The following CGNL1 variants were observed in gnomAD, a reference collection of about 807,000 sequenced individuals.
The protein encoded by CGNL1 is cingulin-like protein 1.
A neutral mutation model predicts 141.2 loss-of-function variants in CGNL1; 132 were observed. That is an observed-to-expected ratio of 0.93 (90% confidence interval 0.81 to 1.08). CGNL1 has a LOEUF of 1.08. Among genes scored for constraint, CGNL1 ranks in the 50% least tolerant of loss-of-function variants. The pLI, the probability that CGNL1 is intolerant of heterozygous loss-of-function variation, is 0.00. For missense variants in CGNL1, 1,870 were observed against 1,588.6 expected, an observed-to-expected ratio of 1.18 and a Z score of -3.01; for synonymous variants, 690 against 622.1, an observed-to-expected ratio of 1.11 and a Z score of -1.63.
intron 6 of CGNL1, among the ~76,000 whole-genome samples, chr15:57,453,189 G>A (rs1162243967): frequency 2.0e-5 from 3 of 152,070 alleles, no homozygotes; most frequent in African/African-American, 4.8e-5. Flanking sequence ...CCATTGTGTC[G>A]TGAAATGAAA....
intron 1 of CGNL1, among the ~76,000 whole-genome samples, chr15:57,397,423 C>T (rs1394125370): frequency 6.6e-6 from 1 of 152,188 alleles, no homozygotes; most frequent in Non-Finnish European, 1.5e-5. Context: ...AACTAGGAAG[C>T]TCCTGATCCT....
chr15:57,545,727 CTTAGA>C lies in CGNL1; in HGVS notation c.3609+29_3609+33del, dbSNP rs1555451056. 2.5e-6 allele frequency: 4 copies of C among 1,572,004 alleles called. No individual in the cohort carries two copies. The African/African-American group carries it at 4.0e-5, about 16-fold the overall frequency. On this transcript the variant is annotated intron_variant, in intron 17 of 18. Coordinates refer to ENST00000281282, the MANE Select transcript of CGNL1 (RefSeq NM_032866.5). The stretch of plus-strand genomic sequence containing the variant: ...TGGGGAGCCTCTGCGTGCATTTGCT[CTTAGA>C]TGAGATTGCGTGTCTCAGGCTGAGG...
At chr15:57,512,673 A>G (rs144217460) in intron 8 of CGNL1, among the ~76,000 whole-genome samples, 1 of 152,332 alleles carries the variant, frequency 6.6e-6, no homozygotes, top group East Asian at 1.9e-4. Flanking sequence ...AGGTTCCCTT[A>G]TCTAACACGC....
chr15:57,499,355 C>G (rs1387570817), intron 8 of CGNL1, among the ~76,000 whole-genome samples: 1 of 147,714 alleles, frequency 6.8e-6, no homozygotes, highest in Non-Finnish European at 1.5e-5. Flanking sequence ...AAGTGATTCT[C>G]CTGCCTTGAG....
intron 8 of CGNL1, among the ~76,000 whole-genome samples, chr15:57,498,372 C>G (rs1440866685): frequency 6.6e-6 from 1 of 150,730 alleles, no homozygotes; most frequent in Non-Finnish European, 1.5e-5. Context: ...ACCTCAGCCT[C>G]TCAAGGAGCT....
At chr15:57,462,023 CAG>C in intron 8 of CGNL1, 131 bp downstream of exon 8, 1 of 721,694 alleles carries the variant, frequency 1.4e-6, no homozygotes, top group South Asian at 1.7e-5. Context: ...ATCATGGACA[CAG>C]AGCTTATTAA....
At chr15:57,457,396 C>T (rs1247915926) in intron 7 of CGNL1, among the ~76,000 whole-genome samples, 1 of 152,168 alleles carries the variant, frequency 6.6e-6, no homozygotes, top group Non-Finnish European at 1.5e-5. Flanking sequence ...CTCAGATCTC[C>T]TTCTACCTGT....
chr15:57,418,850 G>C (rs16977488), intron 1 of CGNL1, among the ~76,000 whole-genome samples: 4,490 of 152,246 alleles, frequency 0.029, 205 homozygotes, highest in East Asian at 0.13. Context: ...CGACATGCCA[G>C]AGCTGGCGGG....
At chr15:57,520,423 T>C (rs1238860588) in intron 10 of CGNL1, among the ~76,000 whole-genome samples, 1 of 152,210 alleles carries the variant, frequency 6.6e-6, no homozygotes, top group African/African-American at 2.4e-5. Flanking sequence ...TCTTCACGTA[T>C]GATAAATAGA....
At chr15:57,456,628 A>AT (rs1363441801) in intron 7 of CGNL1, among the ~76,000 whole-genome samples, 69 of 148,290 alleles carry the variant, frequency 4.7e-4, no homozygotes, top group Admixed American at 4.0e-4. Flanking sequence ...TGATTCTGAA[A>AT]TTTTTTTTTT....
intron 14 of CGNL1, among the ~76,000 whole-genome samples, chr15:57,538,014 C>CA (rs2032357600): frequency 1.1e-5 from 1 of 91,868 alleles, no homozygotes; most frequent in Non-Finnish European, 2.8e-5. Flanking sequence ...CTCCCCGCCA[C>CA]CCCCCGCCCC....
intron 8 of CGNL1, among the ~76,000 whole-genome samples, chr15:57,473,740 A>G (rs1332475050): frequency 6.6e-6 from 1 of 152,020 alleles, no homozygotes; most frequent in Non-Finnish European, 1.5e-5. Context: ...GCCACCTGTC[A>G]ACAGCCATGT....
intron 8 of CGNL1, among the ~76,000 whole-genome samples, chr15:57,473,371 G>C (rs2063607335): frequency 6.6e-6 from 1 of 152,124 alleles, no homozygotes; most frequent in African/African-American, 2.4e-5. Context: ...GCAGAAAATG[G>C]AATATGTCAT....
chr15:57,430,779 G>A (rs774173983), intron 1 of CGNL1, among the ~76,000 whole-genome samples: 40 of 152,152 alleles, frequency 2.6e-4, no homozygotes, highest in Non-Finnish European at 5.1e-4. Context: ...GAGTGCAGTG[G>A]TGCAATCTTG....
chr15:57,531,008 G>T (rs1255132592), intron 13 of CGNL1, among the ~76,000 whole-genome samples: 2 of 152,236 alleles, frequency 1.3e-5, no homozygotes, highest in African/African-American at 4.8e-5. Context: ...ACCCCCAGTT[G>T]TAAGTGGGGT....
intron 4 of CGNL1, among the ~76,000 whole-genome samples, chr15:57,446,264 T>G (rs1352639177): frequency 6.6e-6 from 1 of 152,178 alleles, no homozygotes; most frequent in African/African-American, 2.4e-5. Flanking sequence ...TACAGTTCAT[T>G]GAATTTTTAA....
intron 8 of CGNL1, among the ~76,000 whole-genome samples, chr15:57,488,826 A>G (rs138382268): frequency 2.6e-5 from 4 of 152,342 alleles, no homozygotes; most frequent in African/African-American, 9.6e-5. Flanking sequence ...TGGCTAGCTG[A>G]CACAAATGAC....
intron 1 of CGNL1, among the ~76,000 whole-genome samples, chr15:57,378,458 G>A (rs571515368): frequency 2.9e-5 from 4 of 137,584 alleles, no homozygotes; most frequent in South Asian, 2.5e-4. Context: ...CTCAGCTTAC[G>A]GCAGCCTCGG....
intron 1 of CGNL1, among the ~76,000 whole-genome samples, chr15:57,407,835 G>A (rs1012366067): frequency 4.7e-5 from 7 of 147,634 alleles, no homozygotes; most frequent in African/African-American, 7.5e-5. Context: ...TGCAACCTCC[G>A]TCTCCTGGGT....
Sources: allele counts gnomAD v4.1 joint callset (sites outside exome capture counted in the v4.1 genomes callset), GRCh38; gene constraint gnomAD v4.1.1; transcripts MANE v1.5; gene names NCBI Gene and HGNC (gene_info 2026-07-23, HGNC 2026-07-21).